VIT: variants seen among roughly 807,000 people sequenced by gnomAD.
VIT encodes vitrin.
Under a neutral mutation model 78.0 loss-of-function variants are expected in VIT, and 99 were observed. That is an observed-to-expected ratio of 1.27 (90% CI 1.08 to 1.50). VIT has a LOEUF of 1.50. Among genes scored for constraint, VIT ranks in the 40% most tolerant of loss-of-function variants. The pLI is 0.00. For missense variants in VIT, 1,126 were observed against 875.3 expected (o/e 1.29, Z -3.61); for synonymous variants, 374 against 334.3 (o/e 1.12, Z -1.29).
At chr2:36,773,906 T>G in intron 8 of VIT, 59 bp downstream of exon 8, 27 of 1,521,798 alleles carry the variant, frequency 1.8e-5, no homozygotes, top group African/African-American at 2.8e-5. Context: ...TTACATGCGG[T>G]TCCTCTCCAC....
Position 36,743,236 on chromosome 2 carries a change from G to A in VIT, c.255G>A (p.Val85=). 6.2e-7 allele frequency: 1 copy of A among 1,613,950 alleles called. No individual in the cohort carries two copies. Among genetic ancestry groups the A allele is most frequent in the Non-Finnish European group, 8.5e-7 (1 of 1,179,878 alleles). The change falls in exon 4 of 16, where the codon GTG becomes GTA. Residue 85 remains valine, a synonymous_variant. Transcript: ENST00000379242. ...ACGTGTATGCATCCTACTCCAGTGT[G>A]TGTGGCGCTGCCGTACACAGGTGAG... The part of the protein sequence containing the change: ...GTDVYASYSS[V]CGAAVHSGVL...
intron 15 of VIT, among the ~76,000 whole-genome samples, chr2:36,812,614 G>C (rs1260366088): frequency 6.6e-6 from 1 of 151,964 alleles, no homozygotes; most frequent in Non-Finnish European, 1.5e-5. Flanking sequence ...CTTCCCATTT[G>C]CACCTAGACA....
At chr2:36,761,389 G>T (rs1461351550) in intron 6 of VIT, among the ~76,000 whole-genome samples, 1 of 152,084 alleles carries the variant, frequency 6.6e-6, no homozygotes, top group African/African-American at 2.4e-5. Context: ...TGTTGTGCAG[G>T]TTCTACTGGA....
At chr2:36,759,394 G>T in intron 6 of VIT, 1 of 1,368,974 alleles carries the variant, frequency 7.3e-7, no homozygotes. Flanking sequence ...GGAAAAAGCT[G>T]TATCTACTTA....
intron 9 of VIT, among the ~76,000 whole-genome samples, chr2:36,776,506 A>C (rs1448458922): frequency 1.3e-5 from 2 of 152,248 alleles, no homozygotes; most frequent in East Asian, 1.9e-4. Flanking sequence ...ACTTTGAAGT[A>C]AATTAATAGT....
chr2:36,714,113 A>G (rs1035055547), intron 1 of VIT, among the ~76,000 whole-genome samples: 1 of 152,364 alleles, frequency 6.6e-6, no homozygotes, highest in South Asian at 2.1e-4. Flanking sequence ...TTGGAAAATA[A>G]CAAAGTGATC....
chr2:36,760,737 G>T (rs1482373401), intron 6 of VIT, among the ~76,000 whole-genome samples: 3 of 152,250 alleles, frequency 2.0e-5, no homozygotes, highest in African/African-American at 7.2e-5. Context: ...GCACCCTCTT[G>T]TTGGGCCAGA....
chr2:36,707,363 C>A (rs1045380238), intron 1 of VIT, among the ~76,000 whole-genome samples: 1 of 152,136 alleles, frequency 6.6e-6, no homozygotes, highest in African/African-American at 2.4e-5. Flanking sequence ...AGACCCCCAA[C>A]AACCTGCCCC....
chr2:36,700,398 C>T (rs1184016123), intron 1 of VIT, among the ~76,000 whole-genome samples: 7 of 151,900 alleles, frequency 4.6e-5, no homozygotes, highest in Non-Finnish European at 7.4e-5. Context: ...ATGATGGTGG[C>T]GGTGGTGGTG....
chr2:36,785,613 T>A (rs997868649), intron 11 of VIT, among the ~76,000 whole-genome samples: 4 of 152,190 alleles, frequency 2.6e-5, no homozygotes, highest in African/African-American at 9.7e-5. Flanking sequence ...GGGAAGCCAG[T>A]TGAAAAGGAT....
chr2:36,707,526 C>G (rs1665505885), intron 1 of VIT, among the ~76,000 whole-genome samples: 1 of 152,208 alleles, frequency 6.6e-6, no homozygotes, highest in Non-Finnish European at 1.5e-5. Context: ...GGGCCCAAGC[C>G]TGGAGCAATT....
At chr2:36,731,730 C>A (rs1271531013) in intron 3 of VIT, among the ~76,000 whole-genome samples, 2 of 152,162 alleles carry the variant, frequency 1.3e-5, no homozygotes, top group African/African-American at 4.8e-5. Flanking sequence ...TATCTGTATC[C>A]AAATTTGTAG....
chr2:36,812,900 A>G (rs1572593640), intron 15 of VIT, among the ~76,000 whole-genome samples: 1 of 133,152 alleles, frequency 7.5e-6, no homozygotes, highest in Non-Finnish European at 1.5e-5. Flanking sequence ...TCGCTCTGTC[A>G]CCCAGGCTGG....
At chr2:36,772,613 A>G (rs1669829906) in intron 7 of VIT, among the ~76,000 whole-genome samples, 1 of 152,208 alleles carries the variant, frequency 6.6e-6, no homozygotes, top group Non-Finnish European at 1.5e-5. Flanking sequence ...AGGCTGAGGC[A>G]GGAGGATCAC....
chr2:36,764,349 C>A (rs1042360284), intron 6 of VIT, among the ~76,000 whole-genome samples: 6 of 152,212 alleles, frequency 3.9e-5, no homozygotes, highest in African/African-American at 1.4e-4. Context: ...CAAACCCGGG[C>A]CTGCATCTCC....
At chr2:36,749,252 A>G (rs1286935731) in intron 4 of VIT, among the ~76,000 whole-genome samples, 1 of 152,178 alleles carries the variant, frequency 6.6e-6, no homozygotes, top group African/African-American at 2.4e-5. Context: ...GAAATATCAC[A>G]GCTATGGTGA....
intron 14 of VIT, among the ~76,000 whole-genome samples, chr2:36,808,242 C>T (rs1018879633): frequency 3.9e-5 from 6 of 152,182 alleles, no homozygotes; most frequent in African/African-American, 1.4e-4. Flanking sequence ...TTTCCACTAA[C>T]GCAGGCAGGG....
chr2:36,727,260 C>A (rs1666913676), intron 2 of VIT, among the ~76,000 whole-genome samples: 2 of 152,146 alleles, frequency 1.3e-5, no homozygotes, highest in Admixed American at 6.5e-5. Context: ...ATGTTCCCTG[C>A]ATTCAGCCTT....
chr2:36,720,303 A>T (rs1666422152), intron 2 of VIT, among the ~76,000 whole-genome samples: 1 of 152,214 alleles, frequency 6.6e-6, no homozygotes, highest in African/African-American at 2.4e-5. Flanking sequence ...ATATAAACCC[A>T]TGAAACAAAA....
Sources: gnomAD v4.1 joint callset for allele counts (sites outside exome capture counted in the v4.1 genomes callset) on GRCh38, gnomAD v4.1.1 for gene constraint, MANE v1.5 for transcripts, NCBI Gene and HGNC (gene_info 2026-07-23, HGNC 2026-07-21) for gene names.